Variants in PCDHGC3 observed in about 807,000 individuals in gnomAD.
The protein encoded by PCDHGC3 is protocadherin gamma subfamily C, 3.
Under a neutral mutation model 59.2 loss-of-function variants are expected in PCDHGC3, and 26 were observed. That is an observed-to-expected ratio of 0.44 (90% CI 0.32 to 0.61). The LOEUF (loss-of-function observed/expected upper bound fraction) is 0.61. PCDHGC3 is among the 20% of genes least tolerant of loss of function. The probability of loss-of-function intolerance (pLI) is 0.05; values close to 1 mark genes in which losing one functional copy is unlikely to be tolerated. For synonymous variants in PCDHGC3, 487 were observed against 519.7 expected, an observed-to-expected ratio of 0.94 and a Z score of 0.86; for missense variants, 1,080 against 1,221.8, an observed-to-expected ratio of 0.88 and a Z score of 1.73.
intron 2 of PCDHGC3, among the ~76,000 whole-genome samples, chr5:141,500,189 TTTATTTA>T (rs1562193869): frequency 4.5e-5 from 5 of 110,894 alleles, no homozygotes; most frequent in African/African-American, 1.8e-4. Context: ...TTTATTTTTA[TTTATTTA>T]TTTATTTATT....
At position 141,486,960 on chromosome 5, in the gene PCDHGC3, T is replaced by C; in HGVS notation, c.2431-7847T>C. On this transcript the variant is annotated intron_variant, in intron 1 of 3. Transcript: ENST00000308177. The surrounding 1 kb of genome is among the most constrained non-coding windows in gnomAD (Gnocchi z 5.0). Reference sequence around the variant, plus strand: ...CACCTAATCACAAAGGTGACTGCTGTGGACTTGGATTCAGGTTACAATGCT... The same window carrying C: ...CACCTAATCACAAAGGTGACTGCTGCGGACTTGGATTCAGGTTACAATGCT... The C allele has an allele frequency of 6.2e-7, 1 of 1,614,228 alleles. No individual in the cohort carries two copies. Among genetic ancestry groups the C allele is most frequent in the Non-Finnish European group, 8.5e-7 (1 of 1,180,034 alleles).
In PCDHGC3 at chr5:141,491,921, A is replaced by T; in HGVS notation, c.2431-2886A>T. ...CCGGGGGTGGTGGCGACTGTGGGCG[A>T]GGGGAGGTGGGACCGACCCCCACCC... On this transcript the variant is annotated intron_variant, in intron 1 of 3. Coordinates refer to ENST00000308177, the MANE Select transcript of PCDHGC3 (RefSeq NM_002588.4). The surrounding 1 kb of genome is among the most constrained non-coding windows in gnomAD (Gnocchi z 6.9). The T allele has an allele frequency of 1.5e-6, 2 of 1,353,738 alleles. No homozygotes were observed. Among genetic ancestry groups the T allele is most frequent in the Non-Finnish European group, 2.0e-6 (2 of 1,013,388 alleles). 83.9% of individuals were successfully genotyped at this position (1,353,738 alleles called of 1,614,324 possible). A position where few individuals can be genotyped will look rare whatever the true frequency, so the allele number is the denominator to read the frequency against.
At chr5:141,479,877 T>C (rs967661238) in intron 1 of PCDHGC3, among the ~76,000 whole-genome samples, 2 of 152,188 alleles carry the variant, frequency 1.3e-5, no homozygotes, top group African/African-American at 4.8e-5. Flanking sequence ...GAGAACCCTA[T>C]ACATACTCTC....
chr5:141,485,106 TGGCTGTTTGGGGCGGGTC>T lies in PCDHGC3; in HGVS notation c.2430+6565_2430+6582del. 1 of 1,206,448 alleles carries T rather than the reference TGGCTGTTTGGGGCGGGTC, an allele frequency of 8.3e-7. No homozygotes were observed. The highest frequency in any genetic ancestry group is 1.2e-6 in the Non-Finnish European group (1 of 828,284). 74.7% of individuals were successfully genotyped at this position (1,206,448 alleles called of 1,614,324 possible). Reference sequence around the variant, plus strand: ...GGGAGATAGGTGTCTCCAGCTGCTGTGGCTGTTTGGGGCGGGTCGGCTTCATCCGCGTCTCAGGAGCAA... The same window carrying T: ...GGGAGATAGGTGTCTCCAGCTGCTGTGGCTTCATCCGCGTCTCAGGAGCAA... On this transcript the variant is annotated intron_variant, in intron 1 of 3. Coordinates refer to ENST00000308177, the MANE Select transcript of PCDHGC3 (RefSeq NM_002588.4). This position sits in a 1 kb window ranked among gnomAD's most constrained non-coding sequence, Gnocchi z 5.7.
At position 141,489,063 on chromosome 5, in the gene PCDHGC3, C is replaced by A; in HGVS notation, c.2431-5744C>A. ...CTCCACTCAAATTCAGCTCCCCTCC[C>A]CCCTGCCCACCCCCGCCACTCGGTG... On this transcript the variant is annotated intron_variant, in intron 1 of 3. Coordinates refer to ENST00000308177, the MANE Select transcript of PCDHGC3 (RefSeq NM_002588.4). This position sits in a 1 kb window ranked among gnomAD's most constrained non-coding sequence, Gnocchi z 4.5. 2.6e-6 allele frequency: 1 copy of A among 384,986 alleles called. No individual in the cohort carries two copies. Among genetic ancestry groups the A allele is most frequent in the East Asian group, 4.5e-5 (1 of 22,374 alleles). 23.8% of individuals were successfully genotyped at this position (384,986 alleles called of 1,614,324 possible). A position where few individuals can be genotyped will look rare whatever the true frequency, so the allele number is the denominator to read the frequency against.
At position 141,477,372 on chromosome 5, in the gene PCDHGC3, CTG is replaced by C; in HGVS notation, c.1259_1260del (p.Val420AlafsTer32). On this transcript the variant is annotated frameshift_variant, in exon 1 of 4. Transcript: ENST00000308177. LOFTEE classifies it high-confidence loss of function. This position sits in a 1 kb window ranked among gnomAD's most constrained non-coding sequence, Gnocchi z 4.9. ...ACCAGTGCAGACCTGGATCGGGAGA[CTG>C]TGCCAGAATACAACCTCAGCATCAC... The C allele has an allele frequency of 6.2e-7, 1 of 1,614,154 alleles. No homozygotes were observed. The highest frequency in any genetic ancestry group is 8.5e-7 in the Non-Finnish European group (1 of 1,180,030).
chr5:141,505,338 G>T, intron 2 of PCDHGC3, 55 bp from the exon 3 acceptor site: 1 of 1,612,254 alleles, frequency 6.2e-7, no homozygotes, highest in South Asian at 1.1e-5. Flanking sequence ...GGACAGGAGG[G>T]GCATGAGCTG....
chr5:141,497,237 T>C (rs933112169), intron 2 of PCDHGC3, among the ~76,000 whole-genome samples: 3 of 152,038 alleles, frequency 2.0e-5, no homozygotes, highest in Non-Finnish European at 4.4e-5. Context: ...AGAAGGCTTC[T>C]AGGAGGAGGT....
Position 141,489,629 on chromosome 5 carries a change from C to T in PCDHGC3, c.2431-5178C>T. Reference sequence around the variant, plus strand: ...GAGATCCTGGATCTCAATGACAACTCTCCTAGCTTTGCCACCCCTGAGCGA... The same window carrying T: ...GAGATCCTGGATCTCAATGACAACTTTCCTAGCTTTGCCACCCCTGAGCGA... On this transcript the variant is annotated intron_variant, in intron 1 of 3. Transcript: ENST00000308177. This position sits in a 1 kb window ranked among gnomAD's most constrained non-coding sequence, Gnocchi z 4.5. 6.2e-7 allele frequency: 1 copy of T among 1,614,142 alleles called. No homozygotes were observed. The highest frequency in any genetic ancestry group is 1.7e-5 in the Admixed American group (1 of 60,032).
chr5:141,494,037 T>C (rs2099751443), intron 1 of PCDHGC3, among the ~76,000 whole-genome samples: 1 of 152,146 alleles, frequency 6.6e-6, no homozygotes, highest in South Asian at 2.1e-4. Context: ...GAGACTTAGT[T>C]GGCCCTGCTT....
intron 2 of PCDHGC3, among the ~76,000 whole-genome samples, chr5:141,497,552 T>C (rs2099777669): frequency 6.6e-6 from 1 of 151,386 alleles, no homozygotes; most frequent in Non-Finnish European, 1.5e-5. Context: ...TTTTTTTTTT[T>C]TTTTTTAGAC....
intron 2 of PCDHGC3, among the ~76,000 whole-genome samples, chr5:141,499,099 C>T (rs1031964059): frequency 1.3e-5 from 2 of 152,156 alleles, no homozygotes; most frequent in Non-Finnish European, 2.9e-5. Context: ...ACATGCTTCT[C>T]CTCCCCACCA....
At position 141,478,453 on chromosome 5, in the gene PCDHGC3, C is replaced by T; in HGVS notation, c.2337C>T (p.Ala779=). ...SDPLLKKPGA[A]SPLASRQNTL... is the part of the protein sequence containing the mutation. ...CGCTGCTGAAGAAACCTGGTGCAGCCAGTCCACTGGCCAGCCGCCAGAACA... is the reference window on the plus strand; with the variant it reads ...CGCTGCTGAAGAAACCTGGTGCAGCTAGTCCACTGGCCAGCCGCCAGAACA... Residue 779 remains alanine (A), a synonymous_variant, in exon 1 of 4, where the codon GCC becomes GCT. Coordinates refer to ENST00000308177, the MANE Select transcript of PCDHGC3 (RefSeq NM_002588.4). The T allele has an allele frequency of 6.2e-7, 1 of 1,613,594 alleles. No individual in the cohort carries two copies. The highest frequency in any genetic ancestry group is 8.5e-7 in the Non-Finnish European group (1 of 1,179,934).
chr5:141,504,963 AC>A (rs1409940135), intron 2 of PCDHGC3, among the ~76,000 whole-genome samples: 1 of 152,038 alleles, frequency 6.6e-6, no homozygotes, highest in Non-Finnish European at 1.5e-5. Context: ...AATGCATTGG[AC>A]CAGCCTGGCC....
At chr5:141,502,818 C>T (rs1209481886) in intron 2 of PCDHGC3, among the ~76,000 whole-genome samples, 1 of 150,836 alleles carries the variant, frequency 6.6e-6, no homozygotes, top group Non-Finnish European at 1.5e-5. Context: ...ACTGTCTTTT[C>T]CTTGGGGAAG....
chr5:141,504,848 C>G (rs181277525), intron 2 of PCDHGC3, among the ~76,000 whole-genome samples: 1 of 152,236 alleles, frequency 6.6e-6, no homozygotes, highest in Non-Finnish European at 1.5e-5. Context: ...CTGGAACATT[C>G]TCTTCCATTT....
rs1300601208 is a variant in PCDHGC3 at position 141,499,206 on chromosome 5, AC to A, written c.2489+4344del. On this transcript the variant is annotated intron_variant, in intron 2 of 3. Transcript: ENST00000308177. ...ACCATTTCCCCCTTCTTAGGCTGTA[AC>A]CCAGGCCCTGCCCTGCAGCTGTCCC... Among the ~76,000 whole-genome samples the A allele has an allele frequency of 3.3e-5, 5 of 152,062 alleles. No homozygotes were observed. In the East Asian group the frequency reaches 7.7e-4, roughly 24 times the overall value.
intron 1 of PCDHGC3, 144 bp from the exon 2 acceptor site, chr5:141,494,663 G>A: frequency 6.7e-7 from 1 of 1,499,356 alleles, no homozygotes; most frequent in Non-Finnish European, 9.0e-7. Flanking sequence ...TGTCTTTGGA[G>A]ATGAGTCCAC....
At chr5:141,498,971 GGGAAGGAA>G (rs201769957) in intron 2 of PCDHGC3, among the ~76,000 whole-genome samples, 18,877 of 110,786 alleles carry the variant, frequency 0.17, 1,784 homozygotes, top group Admixed American at 0.31. Context: ...GAGGGAGGGA[GGGAAGGAA>G]GGAAGGAAGG....
Sources: allele counts gnomAD v4.1 joint callset (sites outside exome capture counted in the v4.1 genomes callset), GRCh38; gene constraint gnomAD v4.1.1; non-coding constraint Gnocchi (gnomAD v3.1); transcripts MANE v1.5; gene names NCBI Gene and HGNC (gene_info 2026-07-23, HGNC 2026-07-21).